The following CAPN9 variants were observed in gnomAD, a reference collection of about 807,000 sequenced individuals.
CAPN9 encodes calpain 9.
CAPN9 carries 81 observed loss-of-function variants against 92.8 expected under a neutral mutation model. The observed-to-expected ratio is 0.87, with a 90% CI of 0.73 to 1.05. The LOEUF (loss-of-function observed/expected upper bound fraction) is 1.05, where lower values mean the gene tolerates loss of function less well. Ranked by LOEUF, CAPN9 falls within the 50% of genes least tolerant of loss-of-function variation. The pLI, the probability that CAPN9 is intolerant of heterozygous loss-of-function variation, is 0.00. For missense variants in CAPN9, 848 were observed against 866.2 expected (o/e 0.98, Z 0.26); for synonymous variants, 304 against 328.0 (o/e 0.93, Z 0.79).
At chr1:230,762,355 C>T (rs964160832) in intron 3 of CAPN9, among the ~76,000 whole-genome samples, 16 of 152,236 alleles carry the variant, frequency 1.1e-4, no homozygotes. Context: ...TAATTCAGAG[C>T]ACCGTAGAGT....
At chr1:230,769,052 A>G in intron 5 of CAPN9, 128 bp from the exon 6 acceptor site, 1 of 728,176 alleles carries the variant, frequency 1.4e-6, no homozygotes, top group South Asian at 1.7e-5. Context: ...GCCCACGCAC[A>G]TGGCCTGCAC....
chr1:230,760,287 A>C (rs1665549306), intron 3 of CAPN9, among the ~76,000 whole-genome samples: 1 of 152,154 alleles, frequency 6.6e-6, no homozygotes, highest in South Asian at 2.1e-4. Context: ...TCTTAGTGAC[A>C]TTAAACCTTT....
intron 1 of CAPN9, chr1:230,752,664 A>G: frequency 2.0e-6 from 2 of 985,286 alleles, no homozygotes; most frequent in South Asian, 4.7e-5. Context: ...GAGCTAGCAC[A>G]GCCTGCTGGG....
chr1:230,780,402 G>A (rs543402804), intron 10 of CAPN9, 66 bp downstream of exon 10: 19 of 1,598,692 alleles, frequency 1.2e-5, no homozygotes, highest in African/African-American at 2.7e-5. Context: ...GCTCCTCCTC[G>A]GTCTCACACC....
rs147728164 is a variant in CAPN9 at position 230,796,756 on chromosome 1, C to T, written c.1988-1406C>T. 5.7e-4 allele frequency among the ~76,000 whole-genome samples: 87 copies of T among 152,254 alleles called. 1 individual carries two copies. The East Asian group carries it at 0.017, about 29-fold the overall frequency. Reference sequence around the variant, plus strand: ...TAGAAATAATGAGATTTGCTAGTTTCTCTTCTCTCCATTGCTCTTTCCCTT... The same window carrying T: ...TAGAAATAATGAGATTTGCTAGTTTTTCTTCTCTCCATTGCTCTTTCCCTT... On this transcript the variant is annotated intron_variant, in intron 18 of 19. Transcript: ENST00000271971.
At chr1:230,763,543 A>G (rs1352264506) in intron 4 of CAPN9, among the ~76,000 whole-genome samples, 1 of 152,188 alleles carries the variant, frequency 6.6e-6, no homozygotes, top group Non-Finnish European at 1.5e-5. Flanking sequence ...TCAGGCTCTC[A>G]ATTTCCAGCC....
intron 6 of CAPN9, among the ~76,000 whole-genome samples, chr1:230,770,308 G>GAA (rs1666307960): frequency 6.6e-6 from 1 of 152,188 alleles, no homozygotes; most frequent in South Asian, 2.1e-4. Flanking sequence ...AGGCACCCAG[G>GAA]AAGAGAGAGT....
intron 6 of CAPN9, among the ~76,000 whole-genome samples, chr1:230,770,600 C>A (rs1406443892): frequency 6.6e-6 from 1 of 152,166 alleles, no homozygotes; most frequent in Non-Finnish European, 1.5e-5. Context: ...CCACACAGCA[C>A]CACCCTGACT....
In CAPN9 at chr1:230,767,311, C is replaced by T. The variant is rs576400706; in HGVS notation, c.537-230C>T. On this transcript the variant is annotated intron_variant, in intron 4 of 19. Transcript: ENST00000271971. ...CCACTCAGGCACCAGAGCTGCTGCT[C>T]TATACCACCACACCACACTGCCTCC... 1.1e-4 allele frequency among the ~76,000 whole-genome samples: 16 copies of T among 152,278 alleles called. No homozygotes were observed. The East Asian group carries it at 2.9e-3, about 28-fold the overall frequency.
chr1:230,759,164 G>A (rs1283171067), intron 2 of CAPN9, among the ~76,000 whole-genome samples: 1 of 152,162 alleles, frequency 6.6e-6, no homozygotes, highest in African/African-American at 2.4e-5. Flanking sequence ...ATGTCTGCTC[G>A]CCCAGCCCGT....
In CAPN9 at chr1:230,774,956, G is replaced by C. The variant is rs529932021; in HGVS notation, c.953+325G>C. 2.6e-5 allele frequency among the ~76,000 whole-genome samples: 4 copies of C among 152,018 alleles called. No individual in the cohort carries two copies. In the East Asian group the frequency reaches 7.7e-4, roughly 29 times the overall value. ...GGGTTTCACCGTGTTGGCCAGGCTAGTCTCGAACCCCTGACCTCAGAGAAA... is the reference window on the plus strand; with the variant it reads ...GGGTTTCACCGTGTTGGCCAGGCTACTCTCGAACCCCTGACCTCAGAGAAA... On this transcript the variant is annotated intron_variant, in intron 8 of 19. Coordinates refer to ENST00000271971, the MANE Select transcript of CAPN9 (RefSeq NM_006615.3).
At chr1:230,787,263 C>T (rs931229087) in intron 12 of CAPN9, among the ~76,000 whole-genome samples, 2 of 152,146 alleles carry the variant, frequency 1.3e-5, no homozygotes, top group Non-Finnish European at 2.9e-5. Context: ...AACTTAGGCA[C>T]GGGTCAAGGT....
At chr1:230,788,783 A>G (rs1024414451) in intron 13 of CAPN9, among the ~76,000 whole-genome samples, 10 of 152,138 alleles carry the variant, frequency 6.6e-5, no homozygotes, top group Non-Finnish European at 1.2e-4. Flanking sequence ...TCCAGGTGCT[A>G]TCTGGAGCAT....
chr1:230,751,623 GAAAGAAAGAAAGAAAGAAAGAAAGAA>G (rs1664815671), intron 1 of CAPN9, among the ~76,000 whole-genome samples: 2 of 65,352 alleles, frequency 3.1e-5, no homozygotes, highest in Admixed American at 3.1e-4. Context: ...AAGAAAGAAA[GAAAGAAAGAAAGAAAGAAAGAAAGAA>G]AGAAAGAAAG....
intron 1 of CAPN9, among the ~76,000 whole-genome samples, chr1:230,753,557 T>C (rs531109653): frequency 6.6e-6 from 1 of 152,216 alleles, no homozygotes; most frequent in African/African-American, 2.4e-5. Flanking sequence ...AGAAGCAGGG[T>C]GCTGAGAAGC....
intron 7 of CAPN9, among the ~76,000 whole-genome samples, chr1:230,772,459 G>T (rs938599768): frequency 6.6e-6 from 1 of 150,460 alleles, no homozygotes; most frequent in East Asian, 1.9e-4. Context: ...GCATAAGTGC[G>T]TGTGTGTTTG....
intron 19 of CAPN9, among the ~76,000 whole-genome samples, chr1:230,800,263 AAAG>A (rs1668615985): frequency 1.5e-5 from 2 of 129,610 alleles, no homozygotes; most frequent in African/African-American, 5.9e-5. Context: ...AGAAAGAAAG[AAAG>A]AAAGAAAGAA....
intron 13 of CAPN9, 107 bp from the exon 14 acceptor site, chr1:230,790,025 T>C (rs1469458525): frequency 2.7e-5 from 23 of 848,968 alleles, no homozygotes; most frequent in Non-Finnish European, 3.1e-5. Context: ...TCCTGAAGGC[T>C]GGTCTGTCAC....
intron 18 of CAPN9, among the ~76,000 whole-genome samples, chr1:230,796,043 A>AG: frequency 6.6e-6 from 1 of 150,540 alleles, no homozygotes; most frequent in Non-Finnish European, 1.5e-5. Context: ...AAAAAAAAAA[A>AG]GGCAGGGGGC....
Sources: gnomAD v4.1 joint callset for allele counts (sites outside exome capture counted in the v4.1 genomes callset) on GRCh38, gnomAD v4.1.1 for gene constraint, MANE v1.5 for transcripts, NCBI Gene and HGNC (gene_info 2026-07-23, HGNC 2026-07-21) for gene names.